SGCG: variants seen among roughly 807,000 people sequenced by gnomAD.
SGCG encodes sarcoglycan gamma, also known as gamma-sarcoglycan.
In SGCG, 26 loss-of-function variants were observed where a neutral mutation model predicts 29.3. That is an observed-to-expected ratio of 0.89 (90% CI 0.65 to 1.23). The LOEUF (loss-of-function observed/expected upper bound fraction) is 1.23, where lower values mean the gene tolerates loss of function less well. Ranked by LOEUF, SGCG falls within the 50% of genes most tolerant of loss-of-function variation. The pLI is 0.00. For missense variants in SGCG, 353 were observed against 356.0 expected, an observed-to-expected ratio of 0.99 and a Z score of 0.07; for synonymous variants, 145 against 129.7, an observed-to-expected ratio of 1.12 and a Z score of -0.80.
intron 3 of SGCG, among the ~76,000 whole-genome samples, chr13:23,247,976 T>C (rs1196479506): frequency 1.5e-5 from 2 of 137,704 alleles, no homozygotes; most frequent in East Asian, 4.1e-4. Context: ...AAAAAAAAAG[T>C]TTTTTAACAA....
chr13:23,248,798 T>G (rs755702415), intron 3 of SGCG, among the ~76,000 whole-genome samples: 51 of 151,498 alleles, frequency 3.4e-4, no homozygotes, highest in Non-Finnish European at 5.0e-4. Flanking sequence ...CGAGACCATC[T>G]TGGCTAACAC....
chr13:23,200,240 T>G (rs1877686676), intron 1 of SGCG, among the ~76,000 whole-genome samples: 1 of 152,120 alleles, frequency 6.6e-6, no homozygotes, highest in Non-Finnish European at 1.5e-5. Context: ...CTGGCCAACA[T>G]GGTGAAACCC....
chr13:23,245,778 C>G (rs1055212703), intron 3 of SGCG: 4 of 152,320 alleles, frequency 2.6e-5, no homozygotes, highest in African/African-American at 9.6e-5. Context: ...TCCCGGAAGA[C>G]TAGAGCTCCC....
the SGCG span, among the ~76,000 whole-genome samples, chr13:23,172,082 C>T: frequency 6.6e-6 from 1 of 152,172 alleles, no homozygotes; most frequent in Non-Finnish European, 1.5e-5. Flanking sequence ...ACCTCTTACT[C>T]CTGGATTAAC....
intron 4 of SGCG, among the ~76,000 whole-genome samples, chr13:23,279,030 CA>C (rs1286171702): frequency 6.6e-6 from 1 of 151,968 alleles, no homozygotes; most frequent in Non-Finnish European, 1.5e-5. Context: ...GGTTAATAAC[CA>C]AAAGAATACA....
intron 2 of SGCG, among the ~76,000 whole-genome samples, chr13:23,207,040 A>G (rs1878005793): frequency 6.6e-6 from 1 of 152,238 alleles, no homozygotes; most frequent in African/African-American, 2.4e-5. Flanking sequence ...ACAACGCTAG[A>G]GGCGTCATGC....
At chr13:23,254,336 A>G (rs1021063543) in intron 4 of SGCG, among the ~76,000 whole-genome samples, 11 of 152,178 alleles carry the variant, frequency 7.2e-5, no homozygotes, top group African/African-American at 2.7e-4. Context: ...CACCTGTGTA[A>G]TGCCCTAGGA....
chr13:23,292,022 A>C (rs1449564804), intron 5 of SGCG, among the ~76,000 whole-genome samples: 2 of 152,162 alleles, frequency 1.3e-5, no homozygotes, highest in East Asian at 3.8e-4. Context: ...CAAGAGTTCT[A>C]CCTGCTGCCC....
Position 23,222,743 on chromosome 13 carries a change from G to A in SGCG, c.196-11868G>A, listed in dbSNP as rs180984843. Among the ~76,000 whole-genome samples, 216 of 152,252 alleles carry A rather than the reference G, an allele frequency of 1.4e-3. 3 individuals carry two copies. The highest frequency in any genetic ancestry group is 5.0e-3 in the African/African-American group (206 of 41,568). On this transcript the variant is annotated intron_variant, in intron 2 of 7. Transcript: ENST00000218867. ...CTCAGGAAGCTGAGGCATAAGACTCGCTTGAACCCAGGAGGTGGAGGCTGC... is the reference window on the plus strand; with the variant it reads ...CTCAGGAAGCTGAGGCATAAGACTCACTTGAACCCAGGAGGTGGAGGCTGC...
At chr13:23,313,393 G>A (rs973936231) in intron 6 of SGCG, among the ~76,000 whole-genome samples, 1 of 152,064 alleles carries the variant, frequency 6.6e-6, no homozygotes, top group African/African-American at 2.4e-5. Context: ...TCAAACTCCT[G>A]ACCTCAATTG....
chr13:23,162,414 A>G, the SGCG span, among the ~76,000 whole-genome samples: 2 of 152,122 alleles, frequency 1.3e-5, no homozygotes, highest in East Asian at 3.9e-4. Context: ...GGAGATGGAG[A>G]CCATCCTGGC....
chr13:23,241,224 T>C (rs568869680), intron 3 of SGCG, among the ~76,000 whole-genome samples: 2 of 151,090 alleles, frequency 1.3e-5, no homozygotes, highest in Non-Finnish European at 2.9e-5. Context: ...AAGAACATGT[T>C]AGACCAAAAA....
chr13:23,173,456 G>T, the SGCG span, among the ~76,000 whole-genome samples: 1 of 151,758 alleles, frequency 6.6e-6, no homozygotes, highest in African/African-American at 2.4e-5. Context: ...TTACACAAAT[G>T]AAGATTTCCA....
intron 4 of SGCG, among the ~76,000 whole-genome samples, chr13:23,277,787 C>A (rs1282896692): frequency 6.6e-6 from 1 of 151,296 alleles, no homozygotes; most frequent in Non-Finnish European, 1.5e-5. Context: ...CAAGCTCCGC[C>A]TCCCAGGTTC....
chr13:23,230,047 C>T (rs1879048702), intron 2 of SGCG, among the ~76,000 whole-genome samples: 1 of 152,146 alleles, frequency 6.6e-6, no homozygotes, highest in Non-Finnish European at 1.5e-5. Context: ...GCAGTTATTT[C>T]CCCTTTGCTT....
At chr13:23,283,450 T>C (rs895740891) in intron 5 of SGCG, among the ~76,000 whole-genome samples, 1 of 152,218 alleles carries the variant, frequency 6.6e-6, no homozygotes, top group African/African-American at 2.4e-5. Context: ...CCCTGCTTTA[T>C]CTTTTTTCCA....
intron 6 of SGCG, among the ~76,000 whole-genome samples, chr13:23,309,053 G>A (rs1347641114): frequency 6.6e-6 from 1 of 151,812 alleles, no homozygotes; most frequent in Non-Finnish European, 1.5e-5. Context: ...TCTCCATTTA[G>A]GTTTGGCCCA....
At chr13:23,297,619 G>A (rs1457045513) in intron 6 of SGCG, among the ~76,000 whole-genome samples, 3 of 152,170 alleles carry the variant, frequency 2.0e-5, no homozygotes, top group East Asian at 1.9e-4. Flanking sequence ...TTTCTGCCCT[G>A]GGTGGGCCAG....
the SGCG span, among the ~76,000 whole-genome samples, chr13:23,167,192 TCTC>T: frequency 2.0e-5 from 3 of 152,210 alleles, no homozygotes; most frequent in African/African-American, 7.2e-5. Flanking sequence ...AACATAATGT[TCTC>T]CTGTTCCATC....
Sources: gnomAD v4.1 joint callset for allele counts (sites outside exome capture counted in the v4.1 genomes callset) on GRCh38, gnomAD v4.1.1 for gene constraint, MANE v1.5 for transcripts, NCBI Gene and HGNC (gene_info 2026-07-23, HGNC 2026-07-21) for gene names.